Variants in DCC observed in about 807,000 individuals in gnomAD.
DCC encodes the protein DCC netrin 1 receptor.
DCC carries 58 observed loss-of-function variants against 172.5 expected under a neutral mutation model. The observed-to-expected ratio is 0.34, with a 90% confidence interval of 0.27 to 0.42. The LOEUF is 0.42. Ranked by LOEUF, DCC falls within the 10% of genes least tolerant of loss-of-function variation. DCC has a pLI of 1.00. For synonymous variants in DCC, 709 were observed against 644.5 expected, an observed-to-expected ratio of 1.10 and a Z score of -1.52; for missense variants, 1,740 against 1,791.0, an observed-to-expected ratio of 0.97 and a Z score of 0.51.
intron 1 of DCC, among the ~76,000 whole-genome samples, chr18:52,384,993 T>A (rs951045169): frequency 3.3e-5 from 5 of 152,132 alleles, no homozygotes; most frequent in Admixed American, 1.3e-4. Context: ...AATAGCTCTC[T>A]ATATAATAAT....
intron 7 of DCC, among the ~76,000 whole-genome samples, chr18:53,108,050 C>A (rs770784855): frequency 1.3e-5 from 2 of 151,610 alleles, no homozygotes; most frequent in Non-Finnish European, 2.9e-5. Flanking sequence ...TAAAACTCAA[C>A]GTATTTTTCA....
At chr18:52,648,336 G>A (rs1396127204) in intron 1 of DCC, among the ~76,000 whole-genome samples, 2 of 152,360 alleles carry the variant, frequency 1.3e-5, no homozygotes, top group Non-Finnish European at 2.9e-5. Context: ...TTAAACACAA[G>A]CACAGGCTTG....
intron 1 of DCC, among the ~76,000 whole-genome samples, chr18:52,447,215 A>G (rs1414828343): frequency 6.6e-6 from 1 of 152,212 alleles, no homozygotes; most frequent in African/African-American, 2.4e-5. Flanking sequence ...CTTAGTCGAT[A>G]ATACTCTCAC....
chr18:53,002,726 T>A (rs2041585357), intron 5 of DCC, among the ~76,000 whole-genome samples: 2 of 152,188 alleles, frequency 1.3e-5, no homozygotes, highest in Admixed American at 6.6e-5. Context: ...GTTACATATG[T>A]ATACATGTGC....
At position 53,458,447 on chromosome 18, in the gene DCC, C is replaced by A. The variant is rs527368200; in HGVS notation, c.3393-785C>A. Among the ~76,000 whole-genome samples, 22 of 152,248 alleles carry A rather than the reference C, an allele frequency of 1.4e-4. No individual in the cohort carries two copies. In the East Asian group the frequency reaches 3.9e-3, roughly 27 times the overall value. On this transcript the variant is annotated intron_variant, in intron 23 of 28. Transcript: ENST00000442544. Reference sequence around the variant, plus strand: ...GGCTTGCAAACTGTAGTTTACTGACCCCCTGCTGTAGAGAATGACTAACAT... The same window carrying A: ...GGCTTGCAAACTGTAGTTTACTGACACCCTGCTGTAGAGAATGACTAACAT...
At chr18:52,948,080 G>A (rs1168033926) in intron 5 of DCC, among the ~76,000 whole-genome samples, 2 of 152,122 alleles carry the variant, frequency 1.3e-5, no homozygotes, top group Non-Finnish European at 2.9e-5. Flanking sequence ...ATAGCAGTAT[G>A]AAAAATTTTT....
At chr18:52,572,260 C>T (rs546834996) in intron 1 of DCC, among the ~76,000 whole-genome samples, 4 of 152,146 alleles carry the variant, frequency 2.6e-5, no homozygotes, top group East Asian at 1.9e-4. Context: ...TCCCCCTCGT[C>T]GACAGATACA....
intron 5 of DCC, among the ~76,000 whole-genome samples, chr18:52,980,104 G>A (rs763155260): frequency 3.3e-5 from 5 of 152,112 alleles, no homozygotes; most frequent in Admixed American, 6.5e-5. Context: ...GGGAGGTTGG[G>A]AGGAGAGTGA....
chr18:53,047,485 C>CT (rs1207413154), intron 5 of DCC, among the ~76,000 whole-genome samples: 7 of 56,440 alleles, frequency 1.2e-4, no homozygotes, highest in Non-Finnish European at 2.0e-4. Flanking sequence ...ATTGAGGAAT[C>CT]TTTTTTTTAT....
At chr18:52,636,537 C>T (rs1210341643) in intron 1 of DCC, among the ~76,000 whole-genome samples, 1 of 152,088 alleles carries the variant, frequency 6.6e-6, no homozygotes, top group Non-Finnish European at 1.5e-5. Context: ...GCGTCCAGAG[C>T]TGGGTGAGGC....
chr18:53,398,580 T>A (rs1239711578), intron 18 of DCC, among the ~76,000 whole-genome samples: 1 of 152,156 alleles, frequency 6.6e-6, no homozygotes, highest in Non-Finnish European at 1.5e-5. Flanking sequence ...TGAATGTAGA[T>A]AAATGTGAAA....
intron 1 of DCC, among the ~76,000 whole-genome samples, chr18:52,743,003 G>A (rs978520883): frequency 3.9e-5 from 6 of 152,102 alleles, no homozygotes; most frequent in African/African-American, 1.4e-4. Context: ...GCAAGGTTAT[G>A]GACAATTATT....
chr18:52,597,508 T>A (rs996605641), intron 1 of DCC, among the ~76,000 whole-genome samples: 3 of 128,230 alleles, frequency 2.3e-5, no homozygotes, highest in African/African-American at 8.9e-5. Flanking sequence ...TTAGGTAGTT[T>A]AAGCAATTTT....
intron 1 of DCC, among the ~76,000 whole-genome samples, chr18:52,568,693 C>T (rs1185476035): frequency 2.0e-5 from 3 of 148,270 alleles, no homozygotes; most frequent in Non-Finnish European, 3.1e-5. Context: ...TGCTTACACA[C>T]ACACACCCCC....
intron 12 of DCC, among the ~76,000 whole-genome samples, chr18:53,261,504 C>A (rs747892495): frequency 2.0e-5 from 3 of 152,160 alleles, no homozygotes; most frequent in Non-Finnish European, 2.9e-5. Context: ...ATCACCACAA[C>A]TTAATCTGAT....
At chr18:52,961,742 A>G (rs144483478) in intron 5 of DCC, among the ~76,000 whole-genome samples, 3,248 of 152,294 alleles carry the variant, frequency 0.021, 60 homozygotes, top group Admixed American at 0.039. Context: ...ACAGCATGGT[A>G]CTGGTACCAG....
At chr18:52,527,216 G>A (rs1391048825) in intron 1 of DCC, among the ~76,000 whole-genome samples, 1 of 152,174 alleles carries the variant, frequency 6.6e-6, no homozygotes, top group African/African-American at 2.4e-5. Context: ...ACTAGGTTTA[G>A]AGCAATTTGT....
In DCC at chr18:53,215,557, C is replaced by T. The variant is rs1295463988; in HGVS notation, c.1871C>T (p.Ala624Val). Residue 624 changes from alanine to valine, a missense_variant, in exon 12 of 29, where the codon GCC becomes GTC. By Grantham distance (64) the Ala-to-Val change is moderately conservative. This residue lies in a region of DCC where 1,732 missense variants were observed against 1,767.4 expected (regional missense o/e 0.98). Coordinates refer to ENST00000442544, the MANE Select transcript of DCC (RefSeq NM_005215.4). ...TVVTLSDVPS[A>V]PPQNVSLEVV... ...GTTTGATTCCTTTTAGTGCCAAGTG[C>T]CCCGCCTCAGAACGTCTCCCTGGAA... The T allele has an allele frequency of 6.2e-7, 1 of 1,613,708 alleles. No individual in the cohort carries two copies. Among genetic ancestry groups the T allele is most frequent in the South Asian group, 1.1e-5 (1 of 91,076 alleles).
chr18:53,279,646 A>G (rs62097982), intron 12 of DCC, among the ~76,000 whole-genome samples: 12,993 of 82,986 alleles, frequency 0.16, 736 homozygotes, highest in Non-Finnish European at 0.24. Context: ...TTAAAGTATA[A>G]TAAAAAAAAA....
Sources: gnomAD v4.1 joint callset for allele counts (sites outside exome capture counted in the v4.1 genomes callset) on GRCh38, gnomAD v4.1.1 for gene constraint, gnomAD v4.1.1 regional missense constraint, MANE v1.5 for transcripts, NCBI Gene and HGNC (gene_info 2026-07-23, HGNC 2026-07-21) for gene names.